Variants in COL21A1 observed in about 807,000 individuals in gnomAD.
COL21A1 encodes collagen type XXI alpha 1 chain.
COL21A1 carries 149 observed loss-of-function variants against 137.9 expected under a neutral mutation model. The ratio of observed to expected loss-of-function variants is 1.08; its 90% confidence interval spans 0.95 to 1.24. COL21A1 has a LOEUF of 1.24. Ranked by LOEUF, COL21A1 falls within the 50% of genes most tolerant of loss-of-function variation. The pLI, the probability that COL21A1 is intolerant of heterozygous loss-of-function variation, is 0.00. For synonymous variants in COL21A1, 456 were observed against 391.5 expected, an observed-to-expected ratio of 1.16 and a Z score of -1.95; for missense variants, 1,167 against 1,158.4, an observed-to-expected ratio of 1.01 and a Z score of -0.11.
chr6:56,287,218 T>C (rs1370383631), intron 1 of COL21A1, among the ~76,000 whole-genome samples: 1 of 152,184 alleles, frequency 6.6e-6, no homozygotes, highest in East Asian at 1.9e-4. Context: ...TATTTTATCA[T>C]AGGATTGTAT....
At chr6:56,132,240 AT>A (rs1277234438) in intron 12 of COL21A1, among the ~76,000 whole-genome samples, 2 of 152,120 alleles carry the variant, frequency 1.3e-5, no homozygotes, top group Non-Finnish European at 2.9e-5. Context: ...AAAAAGAAAA[AT>A]AAGCCATAAT....
At chr6:56,066,254 A>C (rs1006784129) in intron 23 of COL21A1, among the ~76,000 whole-genome samples, 1 of 152,002 alleles carries the variant, frequency 6.6e-6, no homozygotes, top group African/African-American at 2.4e-5. Flanking sequence ...TGTCTAAAAA[A>C]CAACTGAATT....
rs929685704 is a variant in COL21A1, at chr6:56,274,442, T to C, written c.-38-91786A>G. Reference sequence around the variant, plus strand: ...AAATGAAACTATCTCTCTTTGCTGATGATATGATTCTGTACATAGAAAACT... The same window carrying C: ...AAATGAAACTATCTCTCTTTGCTGACGATATGATTCTGTACATAGAAAACT... On this transcript the variant is annotated intron_variant, in intron 1 of 28. Coordinates refer to the COL21A1 transcript ENST00000370819. Among the ~76,000 whole-genome samples, 5 of 152,210 alleles carry C rather than the reference T, an allele frequency of 3.3e-5. No individual in the cohort carries two copies. In the South Asian group the frequency reaches 1.0e-3, roughly 32 times the overall value.
At chr6:56,236,133 G>A (rs1781881127) in intron 1 of COL21A1, among the ~76,000 whole-genome samples, 1 of 151,990 alleles carries the variant, frequency 6.6e-6, no homozygotes, top group Non-Finnish European at 1.5e-5. Context: ...AGGGAAGGCT[G>A]ACAAGAGTGG....
intron 1 of COL21A1, among the ~76,000 whole-genome samples, chr6:56,267,841 G>A (rs1199820937): frequency 6.6e-6 from 1 of 151,474 alleles, no homozygotes; most frequent in Non-Finnish European, 1.5e-5. Context: ...GGGATAAGAT[G>A]ACCAACTAGA....
intron 1 of COL21A1, among the ~76,000 whole-genome samples, chr6:56,228,473 G>A (rs1212245333): frequency 6.6e-6 from 1 of 151,502 alleles, no homozygotes; most frequent in African/African-American, 2.4e-5. Flanking sequence ...AAGAATTCAG[G>A]AAATATAAAC....
Position 56,140,517 on chromosome 6 carries a change from C to T in COL21A1, c.1542+1268G>A, listed in dbSNP as rs111353629. On this transcript the variant is annotated intron_variant, in intron 12 of 29. Transcript: ENST00000244728. ...ATTGTGTGGAACAATCTTCCAAAGG[C>T]GACTGCGTGATACCTGGAAAAGTAT... 2.0e-3 allele frequency among the ~76,000 whole-genome samples: 308 copies of T among 152,230 alleles called. 1 individual carries two copies. The highest frequency in any genetic ancestry group is 7.0e-3 in the African/African-American group (290 of 41,564).
At chr6:56,153,233 CAATT>C (rs916397847) in intron 10 of COL21A1, among the ~76,000 whole-genome samples, 1 of 152,100 alleles carries the variant, frequency 6.6e-6, no homozygotes, top group African/African-American at 2.4e-5. Context: ...ATAATTCCCT[CAATT>C]AAATTCCCCC....
intron 1 of COL21A1, among the ~76,000 whole-genome samples, chr6:56,244,272 T>C (rs1236075054): frequency 6.6e-6 from 1 of 152,318 alleles, no homozygotes; most frequent in East Asian, 1.9e-4. Flanking sequence ...TCATTCCTAG[T>C]TGGCCATTCA....
intron 17 of COL21A1, among the ~76,000 whole-genome samples, chr6:56,097,052 T>C (rs1769389002): frequency 6.6e-6 from 1 of 152,132 alleles, no homozygotes; most frequent in African/African-American, 2.4e-5. Flanking sequence ...CTGTTCTTAT[T>C]TGGAAGAAAA....
chr6:56,233,022 CAGAGAAGG>C (rs1434104085), intron 1 of COL21A1, among the ~76,000 whole-genome samples: 1 of 151,738 alleles, frequency 6.6e-6, no homozygotes, highest in African/African-American at 2.4e-5. Flanking sequence ...AGGTGCCTTT[CAGAGAAGG>C]ATATACTTTA....
chr6:56,080,879 C>T (rs1767697302), intron 17 of COL21A1, among the ~76,000 whole-genome samples: 1 of 151,618 alleles, frequency 6.6e-6, no homozygotes. Flanking sequence ...AAAAAGATTC[C>T]AATCTGATTA....
intron 1 of COL21A1, among the ~76,000 whole-genome samples, chr6:56,360,382 C>A (rs1419329397): frequency 6.6e-6 from 1 of 152,158 alleles, no homozygotes; most frequent in East Asian, 1.9e-4. Flanking sequence ...TATTGCAAAC[C>A]CGATGAAAGA....
At chr6:56,191,358 G>C (rs1436481952) in intron 1 of COL21A1, among the ~76,000 whole-genome samples, 1 of 151,636 alleles carries the variant, frequency 6.6e-6, no homozygotes, top group Non-Finnish European at 1.5e-5. Context: ...AGGCAGAGGT[G>C]GGCGGATCAC....
intron 9 of COL21A1, among the ~76,000 whole-genome samples, chr6:56,157,384 C>A (rs998540939): frequency 6.7e-6 from 1 of 148,238 alleles, no homozygotes; most frequent in Admixed American, 6.8e-5. Flanking sequence ...GATCTCGGCT[C>A]ACTGCAACCT....
In COL21A1 at chr6:56,060,197, T is replaced by G; in HGVS notation, c.2429A>C (p.Gln810Pro). The change falls in exon 28 of 30, where the codon CAG (glutamine) becomes CCG (proline). Residue 810 changes from glutamine to proline, a missense_variant. Gln to Pro is a moderately conservative substitution (Grantham distance 76). Coordinates refer to ENST00000244728, the MANE Select transcript of COL21A1 (RefSeq NM_030820.4). ...ATCACAATTTCTAATTCTTCCACTC[T>G]GAAGTAAGACTGGTAGCTGGGCTTT... is the stretch of plus-strand genomic sequence containing the variant. ...VIRAQLPVLL[Q>P]SGRIRNCDHC... 6.2e-7 allele frequency: 1 copy of G among 1,605,828 alleles called. No homozygotes were observed. Among genetic ancestry groups the G allele is most frequent in the Non-Finnish European group, 8.5e-7 (1 of 1,177,188 alleles).
At chr6:56,125,770 C>A in intron 13 of COL21A1, 150 bp from the exon 14 acceptor site, 1 of 570,018 alleles carries the variant, frequency 1.8e-6, no homozygotes, top group Non-Finnish European at 2.9e-6. Flanking sequence ...TTAAAAGGCC[C>A]TCATTTCCAG....
chr6:56,170,575 T>C, intron 5 of COL21A1, 74 bp downstream of exon 5: 1 of 939,000 alleles, frequency 1.1e-6, no homozygotes, highest in Non-Finnish European at 1.6e-6. Context: ...AGCCCTCTTT[T>C]CCCCAACACA....
chr6:56,154,956 G>A (rs1464013739), intron 10 of COL21A1, among the ~76,000 whole-genome samples: 15 of 152,058 alleles, frequency 9.9e-5, no homozygotes, highest in Admixed American at 9.8e-4. Context: ...ACATGTGCAG[G>A]TTTGTTACAT....
Sources: allele counts gnomAD v4.1 joint callset (sites outside exome capture counted in the v4.1 genomes callset), GRCh38; gene constraint gnomAD v4.1.1; transcripts MANE v1.5; gene names NCBI Gene and HGNC (gene_info 2026-07-23, HGNC 2026-07-21).